Variants in ANKFY1 observed in about 807,000 individuals in gnomAD.
The protein encoded by ANKFY1 is ankyrin repeat and FYVE domain containing 1, also known as ankyrin repeat and FYVE domain-containing protein 1.
ANKFY1 carries 47 observed loss-of-function variants against 128.3 expected under a neutral mutation model. The ratio of observed to expected loss-of-function variants is 0.37; its 90% CI spans 0.29 to 0.47. The LOEUF is 0.47. Ranked by LOEUF, ANKFY1 falls within the 20% of genes least tolerant of loss-of-function variation. ANKFY1 has a pLI of 1.00. For missense variants in ANKFY1, 1,222 were observed against 1,510.6 expected, an observed-to-expected ratio of 0.81 and a Z score of 3.17; for synonymous variants, 553 against 601.6, an observed-to-expected ratio of 0.92 and a Z score of 1.18.
intron 4 of ANKFY1, among the ~76,000 whole-genome samples, chr17:4,213,291 G>A (rs1475850915): frequency 6.6e-6 from 1 of 151,422 alleles, no homozygotes; most frequent in Non-Finnish European, 1.5e-5. Flanking sequence ...CTGGGTTCAA[G>A]TGATTCTCCT....
rs1213386206 is a variant in ANKFY1 at position 4,165,006 on chromosome 17, A to G, written c.*2773T>C. The stretch of plus-strand genomic sequence containing the variant: ...ACAGGCCCAAAACTCCAAATGGAAC[A>G]CATGTTCTAACACATCGTTCAGTGA... On this transcript the variant is annotated 3_prime_UTR_variant, in exon 25 of 25. Transcript: ENST00000341657. 1.3e-5 allele frequency: 2 copies of G among 152,626 alleles called. No homozygotes were observed. The highest frequency in any genetic ancestry group is 2.4e-5 in the African/African-American group (1 of 41,470). The allele number at this position is 152,626 out of a possible 1,614,324, so 9.5% of individuals were successfully genotyped here.
In ANKFY1 at chr17:4,181,409, A is replaced by G; in HGVS notation, c.2122-37T>C. The G allele has an allele frequency of 1.3e-6, 2 of 1,485,560 alleles. No individual in the cohort carries two copies. Among genetic ancestry groups the G allele is most frequent in the Non-Finnish European group, 1.9e-6 (2 of 1,063,350 alleles). The allele number at this position is 1,485,560 out of a possible 1,614,324, so 92.0% of individuals were successfully genotyped here. A position where few individuals can be genotyped will look rare whatever the true frequency, so the allele number is the denominator to read the frequency against. On this transcript the variant is annotated intron_variant, in intron 15 of 24. Coordinates refer to ENST00000341657, the MANE Select transcript of ANKFY1 (RefSeq NM_001330063.2). The surrounding 1 kb of genome is among the most constrained non-coding windows in gnomAD (Gnocchi z 4.9). Reference sequence around the variant, plus strand: ...CATAGGTTATTCACAAACACTGCTGAGCAAAGGCAAACAGTTTTATTACCA... The same window carrying G: ...CATAGGTTATTCACAAACACTGCTGGGCAAAGGCAAACAGTTTTATTACCA...
Position 4,172,671 on chromosome 17 carries a change from T to G in ANKFY1, c.3024A>C (p.Ser1008=), listed in dbSNP as rs200094920. Residue 1008 remains serine, a synonymous_variant, in exon 22 of 25, where the codon TCA becomes TCC. Transcript: ENST00000341657. ...DAEAFNLRGQ[S]PLHILGQYGK... is the part of the protein sequence containing the mutation. Reference sequence around the variant, plus strand: ...CATATTGTCCCAAAATGTGCAGTGGTGACTGGCCTCTGATAAAACAAGTTG... The same window carrying G: ...CATATTGTCCCAAAATGTGCAGTGGGGACTGGCCTCTGATAAAACAAGTTG... 3.7e-4 allele frequency: 595 copies of G among 1,613,856 alleles called. No homozygotes were observed. Among genetic ancestry groups the G allele is most frequent in the Non-Finnish European group, 4.9e-4 (576 of 1,179,948 alleles).
chr17:4,215,287 TA>T (rs11422192), intron 4 of ANKFY1, among the ~76,000 whole-genome samples: 46 of 128,978 alleles, frequency 3.6e-4, no homozygotes, highest in Middle Eastern at 4.0e-3. Context: ...GGCTGTCTTC[TA>T]AAAAAAAAAA....
intron 11 of ANKFY1, chr17:4,186,988 G>A (rs1348858934): frequency 9.9e-6 from 12 of 1,206,914 alleles, no homozygotes; most frequent in African/African-American, 3.1e-5. Context: ...CCATGGGTTC[G>A]CCGCAACTGT....
intron 1 of ANKFY1, 62 bp from the exon 2 acceptor site, chr17:4,242,510 A>C (rs374910149): frequency 2.8e-6 from 4 of 1,407,810 alleles, no homozygotes; most frequent in South Asian, 1.4e-5. Flanking sequence ...GCATTCACTA[A>C]TCCCTCATCC....
intron 9 of ANKFY1, 42 bp downstream of exon 9, chr17:4,195,361 C>A: frequency 6.3e-7 from 1 of 1,585,772 alleles, no homozygotes; most frequent in Non-Finnish European, 8.6e-7. Flanking sequence ...CACAATCCCC[C>A]CTCACAACCG....
chr17:4,256,223 T>C (rs1968110962), intron 1 of ANKFY1, among the ~76,000 whole-genome samples: 1 of 151,968 alleles, frequency 6.6e-6, no homozygotes, highest in South Asian at 2.1e-4. Flanking sequence ...ACTGAGGAGA[T>C]CGAGACCATC....
intron 1 of ANKFY1, among the ~76,000 whole-genome samples, chr17:4,256,208 T>C (rs1038052294): frequency 6.6e-5 from 10 of 151,990 alleles, no homozygotes; most frequent in South Asian, 6.2e-4. Flanking sequence ...GCGGGCGGAT[T>C]ACGAACTGAG....
chr17:4,183,873 A>G lies in ANKFY1; in HGVS notation c.1737T>C (p.Ile579=). 6.2e-7 allele frequency: 1 copy of G among 1,613,994 alleles called. No individual in the cohort carries two copies. Among genetic ancestry groups the G allele is most frequent in the Non-Finnish European group, 8.5e-7 (1 of 1,179,850 alleles). Reference sequence around the variant, plus strand: ...GGGAATCTTTGAGGCTGAAGTCCGGAATGATCTGCAAGTTGTTGGTGGCAT... The same window carrying G: ...GGGAATCTTTGAGGCTGAAGTCCGGGATGATCTGCAAGTTGTTGGTGGCAT... ...ALHATNNLQI[I]PDFSLKDSRD... Residue 579 remains isoleucine (I), a synonymous_variant, in exon 13 of 25, where the codon ATT becomes ATC. Coordinates refer to ENST00000341657, the MANE Select transcript of ANKFY1 (RefSeq NM_001330063.2).
intron 10 of ANKFY1, chr17:4,191,063 A>G: frequency 6.6e-6 from 1 of 152,426 alleles, no homozygotes. Context: ...ACTTGAACCC[A>G]GGAGGCAGAG....
At position 4,190,694 on chromosome 17, in the gene ANKFY1, T is replaced by G. The variant is rs190563993; in HGVS notation, c.1373-1215A>C. Among the ~76,000 whole-genome samples the G allele has an allele frequency of 1.9e-3, 284 of 150,024 alleles. 1 individual carries two copies. Among genetic ancestry groups the G allele is most frequent in the South Asian group, 2.7e-3 (13 of 4,808 alleles). On this transcript the variant is annotated intron_variant, in intron 10 of 24. Transcript: ENST00000341657. ...AAAACCTTGGAAAGAAAAAAATGAGTTTTTTTTTCTCTCTAAATGGTTTTA... is the reference window on the plus strand; with the variant it reads ...AAAACCTTGGAAAGAAAAAAATGAGGTTTTTTTTCTCTCTAAATGGTTTTA...
chr17:4,203,800 A>G (rs1243118542), intron 7 of ANKFY1, among the ~76,000 whole-genome samples: 1 of 140,822 alleles, frequency 7.1e-6, no homozygotes, highest in Non-Finnish European at 1.5e-5. Context: ...GGGTGACAGG[A>G]GCGAAACTCC....
chr17:4,262,267 C>G (rs1054472842), intron 1 of ANKFY1, among the ~76,000 whole-genome samples: 2 of 151,982 alleles, frequency 1.3e-5, no homozygotes, highest in African/African-American at 4.8e-5. Flanking sequence ...AGTATTACTG[C>G]GAGGACCACA....
chr17:4,172,826 A>G, intron 21 of ANKFY1, 146 bp from the exon 22 acceptor site: 1 of 1,191,906 alleles, frequency 8.4e-7, no homozygotes, highest in South Asian at 1.6e-5. Context: ...CTTATTTTGT[A>G]TTTTACTGTA....
intron 1 of ANKFY1, among the ~76,000 whole-genome samples, chr17:4,248,321 T>C (rs1967664923): frequency 6.6e-6 from 1 of 152,162 alleles, no homozygotes; most frequent in Non-Finnish European, 1.5e-5. Flanking sequence ...AACCCTCCTG[T>C]GAACCGCGCA....
chr17:4,209,952 A>G lies in ANKFY1; in HGVS notation c.459-5T>C. 1 of 1,607,570 alleles carries G rather than the reference A, an allele frequency of 6.2e-7. No individual in the cohort carries two copies. Among genetic ancestry groups the G allele is most frequent in the Non-Finnish European group, 8.5e-7 (1 of 1,174,742 alleles). On this transcript the variant is annotated splice_region_variant and splice_polypyrimidine_tract_variant and intron_variant, in intron 4 of 24. Coordinates refer to ENST00000341657, the MANE Select transcript of ANKFY1 (RefSeq NM_001330063.2). ...GACATAACACCCTTCTCACATCTGT[A>G]AGAGAGTATTCATCATGAGGAGTAT...
At chr17:4,261,664 T>C (rs1968424368) in intron 1 of ANKFY1, among the ~76,000 whole-genome samples, 1 of 152,236 alleles carries the variant, frequency 6.6e-6, no homozygotes, top group African/African-American at 2.4e-5. Context: ...ACTCAGCCTG[T>C]ATGAGCTCCT....
chr17:4,262,590 C>A (rs1322310003), intron 1 of ANKFY1, among the ~76,000 whole-genome samples: 2 of 151,848 alleles, frequency 1.3e-5, no homozygotes, highest in Non-Finnish European at 2.9e-5. Context: ...ACACACACCC[C>A]TTTTTAATTA....
Sources: gnomAD v4.1 joint callset for allele counts (sites outside exome capture counted in the v4.1 genomes callset) on GRCh38, gnomAD v4.1.1 for gene constraint, Gnocchi (gnomAD v3.1) non-coding constraint, MANE v1.5 for transcripts, NCBI Gene and HGNC (gene_info 2026-07-23, HGNC 2026-07-21) for gene names.